The following BBS9 variants were observed in gnomAD, a reference collection of about 807,000 sequenced individuals.
BBS9 encodes the protein Bardet-Biedl syndrome 9, also known as protein PTHB1.
In BBS9, 89 loss-of-function variants were observed where a neutral mutation model predicts 117.7. The observed-to-expected ratio is 0.76, with a 90% CI of 0.64 to 0.90. The LOEUF is 0.90. Among genes scored for constraint, BBS9 ranks in the 40% least tolerant of loss-of-function variants. The probability of loss-of-function intolerance (pLI) is 0.00; values close to 1 mark genes in which losing one functional copy is unlikely to be tolerated. For synonymous variants in BBS9, 379 were observed against 370.9 expected, an observed-to-expected ratio of 1.02 and a Z score of -0.25; for missense variants, 982 against 1,042.2, an observed-to-expected ratio of 0.94 and a Z score of 0.80.
chr7:33,546,058 C>A (rs561558260), intron 21 of BBS9, among the ~76,000 whole-genome samples: 1 of 151,078 alleles, frequency 6.6e-6, no homozygotes, highest in East Asian at 2.0e-4. Context: ...CTCAGCCTCC[C>A]GAGGAGCTGG....
At chr7:33,169,824 C>T (rs920959000) in intron 4 of BBS9, among the ~76,000 whole-genome samples, 24 of 151,232 alleles carry the variant, frequency 1.6e-4, no homozygotes, top group Admixed American at 1.1e-3. Flanking sequence ...AATTAGATCC[C>T]ATTTGTCAAT....
At chr7:33,156,867 C>T (rs952231673) in intron 4 of BBS9, among the ~76,000 whole-genome samples, 5 of 151,952 alleles carry the variant, frequency 3.3e-5, no homozygotes, top group African/African-American at 1.2e-4. Context: ...CATGTTGCTC[C>T]TCCTAGTGTC....
chr7:33,623,729 C>T (rs1865517116), intron 21 of BBS9, among the ~76,000 whole-genome samples: 1 of 152,272 alleles, frequency 6.6e-6, no homozygotes, highest in African/African-American at 2.4e-5. Context: ...GGATGAATCT[C>T]AGAGACAGAA....
chr7:33,184,095 CACAGAG>C (rs1212985006), intron 5 of BBS9, among the ~76,000 whole-genome samples: 1 of 131,746 alleles, frequency 7.6e-6, no homozygotes, highest in African/African-American at 2.7e-5. Flanking sequence ...GCAGTTTGCA[CACAGAG>C]AGAGAGAGAG....
chr7:33,268,689 C>A (rs1562908769), intron 7 of BBS9, among the ~76,000 whole-genome samples: 1 of 152,020 alleles, frequency 6.6e-6, no homozygotes, highest in Non-Finnish European at 1.5e-5. Flanking sequence ...TTATGAGACT[C>A]ATTAATTCAG....
In BBS9 at chr7:33,602,005, C is replaced by T. The variant is rs192038806; in HGVS notation, c.2522-2860C>T. On this transcript the variant is annotated intron_variant, in intron 21 of 22. Coordinates refer to ENST00000242067, the MANE Select transcript of BBS9 (RefSeq NM_198428.3). ...CTACTTCTTGTTATACAACTACTCC[C>T]AGTATCAGTGATTTTCTCAAGAGGA... 2.6e-5 allele frequency among the ~76,000 whole-genome samples: 4 copies of T among 152,284 alleles called. No individual in the cohort carries two copies. The East Asian group carries it at 7.7e-4, about 29-fold the overall frequency.
chr7:33,516,505 A>AAAG (rs1222386130), intron 20 of BBS9, among the ~76,000 whole-genome samples: 527 of 150,942 alleles, frequency 3.5e-3, no homozygotes, highest in African/African-American at 0.012. Flanking sequence ...AAAAAAAAAA[A>AAAG]AAAAAAGAGT....
intron 5 of BBS9, among the ~76,000 whole-genome samples, chr7:33,202,400 T>A (rs1786038950): frequency 6.6e-6 from 1 of 152,204 alleles, no homozygotes; most frequent in Non-Finnish European, 1.5e-5. Flanking sequence ...TTAGGAAGCC[T>A]GGTTTATCTT....
chr7:33,591,583 C>T (rs765857606), intron 21 of BBS9, among the ~76,000 whole-genome samples: 29 of 151,992 alleles, frequency 1.9e-4, no homozygotes, highest in Non-Finnish European at 2.4e-4. Flanking sequence ...TTGGTGTTTG[C>T]TTCCTTCAAG....
chr7:33,144,890 G>A (rs1374112706), intron 1 of BBS9, among the ~76,000 whole-genome samples: 4 of 152,088 alleles, frequency 2.6e-5, no homozygotes, highest in Non-Finnish European at 5.9e-5. Flanking sequence ...AATTTATGAT[G>A]GATCTATTGA....
intron 19 of BBS9, among the ~76,000 whole-genome samples, chr7:33,431,434 A>G (rs374885721): frequency 1.3e-5 from 2 of 152,120 alleles, no homozygotes; most frequent in African/African-American, 4.8e-5. Context: ...ACCAACCCCA[A>G]ATTCATATAT....
At chr7:33,234,903 ATTTG>A (rs1192475219) in intron 5 of BBS9, among the ~76,000 whole-genome samples, 1 of 152,096 alleles carries the variant, frequency 6.6e-6, no homozygotes, top group Non-Finnish European at 1.5e-5. Flanking sequence ...CATCATAGAA[ATTTG>A]TTTGAATGGA....
intron 9 of BBS9, among the ~76,000 whole-genome samples, chr7:33,293,870 G>C (rs1804607137): frequency 6.7e-6 from 1 of 150,274 alleles, no homozygotes; most frequent in East Asian, 2.0e-4. Context: ...TCTTCTGAGA[G>C]ACTTAGTTCT....
intron 21 of BBS9, among the ~76,000 whole-genome samples, chr7:33,634,734 T>C (rs542385665): frequency 5.9e-5 from 9 of 152,302 alleles, no homozygotes; most frequent in Non-Finnish European, 1.3e-4. Flanking sequence ...TGTGTAAGCA[T>C]GCAGTGTGTA....
intron 16 of BBS9, among the ~76,000 whole-genome samples, chr7:33,359,261 GA>G (rs1381617069): frequency 6.6e-6 from 1 of 151,980 alleles, no homozygotes; most frequent in Non-Finnish European, 1.5e-5. Flanking sequence ...TGGTGGCTTT[GA>G]AAAACGTTTA....
At chr7:33,586,405 G>C (rs999199492) in intron 21 of BBS9, among the ~76,000 whole-genome samples, 3 of 151,924 alleles carry the variant, frequency 2.0e-5, no homozygotes, top group Admixed American at 6.6e-5. Flanking sequence ...ACAGATCTGG[G>C]TGAGGCCACA....
chr7:33,228,772 T>A (rs1228865335), intron 5 of BBS9, among the ~76,000 whole-genome samples: 1 of 152,186 alleles, frequency 6.6e-6, no homozygotes, highest in Non-Finnish European at 1.5e-5. Flanking sequence ...CAGGTCTTCA[T>A]CTTTGTCATC....
chr7:33,610,655 G>A (rs1025992361), downstream of BBS9, among the ~76,000 whole-genome samples: 17 of 152,046 alleles, frequency 1.1e-4, no homozygotes, highest in Non-Finnish European at 2.5e-4. Context: ...ATACTGTTTC[G>A]ACACGACTTT....
At chr7:33,460,177 G>C (rs1201695234) in intron 19 of BBS9, among the ~76,000 whole-genome samples, 4 of 152,080 alleles carry the variant, frequency 2.6e-5, no homozygotes, top group African/African-American at 9.7e-5. Flanking sequence ...GTGAAAATCT[G>C]CATAATGATG....
Sources: allele counts gnomAD v4.1 joint callset (sites outside exome capture counted in the v4.1 genomes callset), GRCh38; gene constraint gnomAD v4.1.1; transcripts MANE v1.5; gene names NCBI Gene and HGNC (gene_info 2026-07-23, HGNC 2026-07-21).